Variants in TMEM132B observed in about 807,000 individuals in gnomAD.
TMEM132B encodes the protein transmembrane protein 132B.
Under a neutral mutation model 90.8 loss-of-function variants are expected in TMEM132B, and 18 were observed. That is an observed-to-expected ratio of 0.20 (90% CI 0.14 to 0.29). TMEM132B has a LOEUF of 0.29. Among genes scored for constraint, TMEM132B ranks in the 10% least tolerant of loss-of-function variants. The pLI is 1.00. For missense variants in TMEM132B, 1,096 were observed against 1,326.8 expected (o/e 0.83, Z 2.70); for synonymous variants, 504 against 523.3 (o/e 0.96, Z 0.50).
chr12:125,390,178 C>T (rs969700828), intron 2 of TMEM132B, among the ~76,000 whole-genome samples: 3 of 152,228 alleles, frequency 2.0e-5, no homozygotes. Context: ...CACCAAAAGA[C>T]ACACACAAGA....
At chr12:125,443,468 C>T (rs187447943) in intron 3 of TMEM132B, among the ~76,000 whole-genome samples, 1 of 152,224 alleles carries the variant, frequency 6.6e-6, no homozygotes, top group East Asian at 1.9e-4. Flanking sequence ...GATTTGGTCT[C>T]TCCTGTGATT....
intron 3 of TMEM132B, among the ~76,000 whole-genome samples, chr12:125,441,271 C>T (rs1013394854): frequency 5.3e-5 from 8 of 152,120 alleles, no homozygotes; most frequent in African/African-American, 1.7e-4. Flanking sequence ...GGGAGATAGA[C>T]AAAGAGTGAT....
At chr12:125,612,155 G>A (rs1304577969) in intron 5 of TMEM132B, among the ~76,000 whole-genome samples, 3 of 151,810 alleles carry the variant, frequency 2.0e-5, no homozygotes, top group African/African-American at 7.3e-5. Context: ...ATTAAAAAAG[G>A]TCCCTTTTAA....
rs571093468 is a variant in TMEM132B at position 125,361,118 on chromosome 12, A to G, written c.959+10775A>G. ...ATTCTGGAAGCTGCCTCAAAGACAC[A>G]CTACAGGGACACGCCCGCTGCCCAG... is the stretch of plus-strand genomic sequence containing the variant. On this transcript the variant is annotated intron_variant, in intron 2 of 8. Transcript: ENST00000682704. 3.3e-5 allele frequency among the ~76,000 whole-genome samples: 5 copies of G among 152,266 alleles called. No individual in the cohort carries two copies. In the East Asian group the frequency reaches 9.7e-4, roughly 29 times the overall value.
intron 7 of TMEM132B, among the ~76,000 whole-genome samples, chr12:125,651,490 T>C (rs180815257): frequency 2.6e-5 from 4 of 152,370 alleles, no homozygotes; most frequent in East Asian, 1.9e-4. Context: ...AATATTTCTT[T>C]ATACAAACTT....
At chr12:125,307,833 CTTATA>C (rs1287101281) in intron 1 of TMEM132B, among the ~76,000 whole-genome samples, 1 of 11,836 alleles carries the variant, frequency 8.4e-5, no homozygotes, top group African/African-American at 3.7e-4. Flanking sequence ...AGTATATATA[CTTATA>C]TTAATATATA....
At chr12:125,319,615 G>T (rs364441) in intron 1 of TMEM132B, among the ~76,000 whole-genome samples, 1 of 152,206 alleles carries the variant, frequency 6.6e-6, no homozygotes, top group Non-Finnish European at 1.5e-5. Context: ...TCCCCTCAGG[G>T]CTGCGCTGGG....
intron 3 of TMEM132B, among the ~76,000 whole-genome samples, chr12:125,435,834 C>T (rs1015407018): frequency 5.3e-5 from 8 of 151,810 alleles, no homozygotes; most frequent in African/African-American, 1.9e-4. Context: ...GTGGACTCCC[C>T]GGGGCAGGAG....
chr12:125,271,576 C>A (rs1272500805), intron 1 of TMEM132B, among the ~76,000 whole-genome samples: 1 of 135,268 alleles, frequency 7.4e-6, no homozygotes, highest in Admixed American at 6.9e-5. Context: ...CTTGGCTTAT[C>A]CTGAGCTATG....
chr12:125,389,538 C>A (rs558338185), intron 2 of TMEM132B, among the ~76,000 whole-genome samples: 4 of 152,088 alleles, frequency 2.6e-5, no homozygotes, highest in Non-Finnish European at 5.9e-5. Flanking sequence ...GGGAAAATTA[C>A]CTAAACTTTC....
intron 3 of TMEM132B, among the ~76,000 whole-genome samples, chr12:125,508,077 A>G (rs139718139): frequency 7.3e-4 from 111 of 152,320 alleles, no homozygotes; most frequent in African/African-American, 2.6e-3. Flanking sequence ...GAGAAGAGTT[A>G]AGGACGACCA....
chr12:125,416,251 T>G (rs2136363275), intron 3 of TMEM132B, among the ~76,000 whole-genome samples: 1 of 152,188 alleles, frequency 6.6e-6, no homozygotes, highest in Admixed American at 6.5e-5. Context: ...CTCTCACCTG[T>G]GTTGCAGCCG....
Position 125,528,002 on chromosome 12 carries a change from T to C in TMEM132B, c.1293+8377T>C, listed in dbSNP as rs376147093. ...ATGGTCAAAAGCTTCAAAAACCGCT[T>C]CTTGAAAAGGGTGGTCTAAGGAGAG... On this transcript the variant is annotated intron_variant, in intron 4 of 8. Coordinates refer to ENST00000682704, the MANE Select transcript of TMEM132B (RefSeq NM_001366854.1). Among the ~76,000 whole-genome samples, 35 of 152,348 alleles carry C rather than the reference T, an allele frequency of 2.3e-4. No individual in the cohort carries two copies. In the South Asian group the frequency reaches 5.4e-3, roughly 23 times the overall value.
chr12:125,286,284 C>T (rs1182310501), intron 1 of TMEM132B, among the ~76,000 whole-genome samples: 1 of 152,238 alleles, frequency 6.6e-6, no homozygotes, highest in African/African-American at 2.4e-5. Flanking sequence ...GTACAGCCTT[C>T]TTCTGCCTTT....
At chr12:125,370,658 G>A (rs186068923) in intron 2 of TMEM132B, among the ~76,000 whole-genome samples, 13 of 152,250 alleles carry the variant, frequency 8.5e-5, no homozygotes, top group African/African-American at 1.4e-4. Flanking sequence ...ATCCTCCCGC[G>A]TCAGCCTCCC....
chr12:125,467,627 G>A (rs1262321843), intron 3 of TMEM132B, among the ~76,000 whole-genome samples: 1 of 152,166 alleles, frequency 6.6e-6, no homozygotes, highest in Non-Finnish European at 1.5e-5. Flanking sequence ...ACATAACATA[G>A]TTCAACATTT....
Position 125,490,869 on chromosome 12 carries a change from A to C in TMEM132B, c.1107-28570A>C, listed in dbSNP as rs1882333352. On this transcript the variant is annotated intron_variant, in intron 3 of 8. Coordinates refer to ENST00000682704, the MANE Select transcript of TMEM132B (RefSeq NM_001366854.1). The surrounding 1 kb of genome is among the most constrained non-coding windows in gnomAD (Gnocchi z 4.2). ...CTTAAAAGACTAGGTCTCAAAAAGC[A>C]TTGCACTTTCTTCCTTGCTGTTTCT... Among the ~76,000 whole-genome samples, 1 of 152,358 alleles carries C rather than the reference A, an allele frequency of 6.6e-6. No homozygotes were observed. Among genetic ancestry groups the C allele is most frequent in the African/African-American group, 2.4e-5 (1 of 41,594 alleles).
chr12:125,328,818 C>T (rs1876672622), intron 1 of TMEM132B, among the ~76,000 whole-genome samples: 1 of 152,190 alleles, frequency 6.6e-6, no homozygotes, highest in African/African-American at 2.4e-5. Context: ...GGGGCCTCTC[C>T]TCGGTACATG....
intron 1 of TMEM132B, among the ~76,000 whole-genome samples, chr12:125,205,366 G>A (rs936832137): frequency 7.3e-5 from 11 of 151,368 alleles, no homozygotes; most frequent in African/African-American, 2.4e-4. Context: ...TGAGAGCTCC[G>A]TGTGTCAGGC....
Sources: gnomAD v4.1 joint callset for allele counts (sites outside exome capture counted in the v4.1 genomes callset) on GRCh38, gnomAD v4.1.1 for gene constraint, Gnocchi (gnomAD v3.1) non-coding constraint, MANE v1.5 for transcripts, NCBI Gene and HGNC (gene_info 2026-07-23, HGNC 2026-07-21) for gene names.